SPPL2A: variants seen among roughly 807,000 people sequenced by gnomAD.
The protein encoded by SPPL2A is signal peptide peptidase-like 2A.
Under a neutral mutation model 63.8 loss-of-function variants are expected in SPPL2A, and 51 were observed. The ratio of observed to expected loss-of-function variants is 0.80; its 90% CI spans 0.64 to 1.01. The LOEUF is 1.01. Among genes scored for constraint, SPPL2A ranks in the 50% least tolerant of loss-of-function variants. The pLI, the probability that SPPL2A is intolerant of heterozygous loss-of-function variation, is 0.00. For missense variants in SPPL2A, 553 were observed against 622.7 expected (o/e 0.89, Z 1.19); for synonymous variants, 188 against 205.8 (o/e 0.91, Z 0.74).
chr15:50,718,363 CAT>C (rs897867144), intron 14 of SPPL2A, among the ~76,000 whole-genome samples: 1 of 152,030 alleles, frequency 6.6e-6, no homozygotes, highest in African/African-American at 2.4e-5. Context: ...AGTATCCTCT[CAT>C]AGAATCACTC....
intron 1 of SPPL2A, among the ~76,000 whole-genome samples, chr15:50,763,631 G>GC (rs1481788321): frequency 2.4e-4 from 37 of 152,306 alleles, no homozygotes; most frequent in Admixed American, 5.2e-4. Flanking sequence ...GGGCATGGTG[G>GC]CTCACGCCTG....
chr15:50,763,462 T>C (rs2063029590), intron 1 of SPPL2A, among the ~76,000 whole-genome samples: 1 of 152,316 alleles, frequency 6.6e-6, no homozygotes, highest in East Asian at 1.9e-4. Context: ...ATCAGGACAT[T>C]ACATCCCATA....
chr15:50,719,986 C>T lies in SPPL2A; in HGVS notation c.1442G>A (p.Trp481Ter). 1 of 1,613,736 alleles carries T rather than the reference C, an allele frequency of 6.2e-7. No individual in the cohort carries two copies. Among genetic ancestry groups the T allele is most frequent in the Non-Finnish European group, 8.5e-7 (1 of 1,179,826 alleles). Residue 481 changes from tryptophan (W) to a stop codon, truncating the protein, a stop_gained, in exon 14 of 15, where the codon TGG becomes TAG. Coordinates refer to ENST00000261854, the MANE Select transcript of SPPL2A (RefSeq NM_032802.4). LOFTEE classifies it high-confidence loss of function. ...CTLITASVVA[W>*]RRKEMKKFWK... ...GAACTTTTTCATTTCCTTACGTCTCCAGGCAACAACTGAGGCAGTAATAAG... is the reference window on the plus strand; with the variant it reads ...GAACTTTTTCATTTCCTTACGTCTCTAGGCAACAACTGAGGCAGTAATAAG...
chr15:50,745,647 A>G (rs2062851986), intron 5 of SPPL2A, among the ~76,000 whole-genome samples: 1 of 151,376 alleles, frequency 6.6e-6, no homozygotes, highest in African/African-American at 2.4e-5. Flanking sequence ...TCCTGGGTTC[A>G]AGCAATCCTC....
At chr15:50,722,375 C>G (rs558175930) in intron 12 of SPPL2A, among the ~76,000 whole-genome samples, 174 bp from the exon 13 acceptor site, 1 of 152,336 alleles carries the variant, frequency 6.6e-6, no homozygotes, top group Admixed American at 6.5e-5. Context: ...ATACTTAATA[C>G]CATAGTTTAA....
intron 8 of SPPL2A, among the ~76,000 whole-genome samples, chr15:50,733,738 G>T (rs2062748415): frequency 6.6e-6 from 1 of 151,756 alleles, no homozygotes; most frequent in Admixed American, 6.6e-5. Flanking sequence ...CCCACAGAAT[G>T]AAAGAAAATA....
At chr15:50,748,072 A>G in intron 4 of SPPL2A, 41 bp downstream of exon 4, 2 of 766,586 alleles carry the variant, frequency 2.6e-6, no homozygotes, top group Non-Finnish European at 4.0e-6. Flanking sequence ...AAAGAGATAC[A>G]GTATTTATAA....
At chr15:50,725,344 AC>A in intron 11 of SPPL2A, 21 bp from the exon 12 acceptor site, 1 of 1,237,838 alleles carries the variant, frequency 8.1e-7, no homozygotes. Flanking sequence ...ACAAAACAAA[AC>A]AAAACAAAAC....
chr15:50,748,797 T>C lies in SPPL2A; in HGVS notation c.251A>G (p.Lys84Arg). Reference protein sequence around the residue: ...NLSDIPPVGIKSKAVVVPWGS... With the variant: ...NLSDIPPVGIRSKAVVVPWGS... Reference sequence around the variant, plus strand: ...CCATGGAACCACAACTGCTTTGCTCTTTATGCCAACAGGAGGAATATCAGA... The same window carrying C: ...CCATGGAACCACAACTGCTTTGCTCCTTATGCCAACAGGAGGAATATCAGA... Residue 84 changes from lysine (K) to arginine (R), a missense_variant, in exon 3 of 15, where the codon AAG becomes AGG. Coordinates refer to ENST00000261854, the MANE Select transcript of SPPL2A (RefSeq NM_032802.4). The C allele has an allele frequency of 6.2e-7, 1 of 1,612,286 alleles. No individual in the cohort carries two copies. The highest frequency in any genetic ancestry group is 8.5e-7 in the Non-Finnish European group (1 of 1,179,276).
At chr15:50,737,079 A>T (rs1045515903) in intron 6 of SPPL2A, among the ~76,000 whole-genome samples, 1 of 152,102 alleles carries the variant, frequency 6.6e-6, no homozygotes, top group Non-Finnish European at 1.5e-5. Flanking sequence ...ATACCCAGCC[A>T]ATTTTTGTAG....
chr15:50,725,340 CAA>C lies in SPPL2A; in HGVS notation c.1147-19_1147-18del. 1.6e-6 allele frequency: 2 copies of C among 1,214,860 alleles called. No homozygotes were observed. The highest frequency in any genetic ancestry group is 2.4e-6 in the Non-Finnish European group (2 of 846,238). The allele number at this position is 1,214,860 out of a possible 1,614,324, so 75.3% of individuals were successfully genotyped here. A position where few individuals can be genotyped will look rare whatever the true frequency, so the allele number is the denominator to read the frequency against. The stretch of plus-strand genomic sequence containing the variant: ...TACTGGCAACTGTTCAAAAACAAAA[CAA>C]AACAAAACAAAACAAAACAAAAAAC... On this transcript the variant is annotated intron_variant, in intron 11 of 14. Coordinates refer to ENST00000261854, the MANE Select transcript of SPPL2A (RefSeq NM_032802.4).
intron 14 of SPPL2A, among the ~76,000 whole-genome samples, chr15:50,715,459 T>C (rs533900307): frequency 1.3e-5 from 2 of 152,334 alleles, no homozygotes; most frequent in East Asian, 3.9e-4. Context: ...AAAAATGTGC[T>C]GTAGAATATT....
At chr15:50,709,189 TA>T (rs1469212816) in intron 14 of SPPL2A, among the ~76,000 whole-genome samples, 1 of 152,106 alleles carries the variant, frequency 6.6e-6, no homozygotes. Flanking sequence ...ATACAATTAC[TA>T]AAAATAGAAA....
In SPPL2A at chr15:50,721,045, C is replaced by T. The variant is rs529041228; in HGVS notation, c.1328-945G>A. On this transcript the variant is annotated intron_variant, in intron 13 of 14. Transcript: ENST00000261854. ...GAGTACCATACTTAGTGGCCTCAAA[C>T]TGCTTTTTTTGAGATGGAGCCTCGC... Among the ~76,000 whole-genome samples, 57 of 151,924 alleles carry T rather than the reference C, an allele frequency of 3.8e-4. 1 individual carries two copies. In the South Asian group the frequency reaches 0.012, roughly 31 times the overall value.
chr15:50,716,483 C>T (rs974371199), intron 14 of SPPL2A, among the ~76,000 whole-genome samples: 2 of 152,286 alleles, frequency 1.3e-5, no homozygotes, highest in South Asian at 4.1e-4. Flanking sequence ...GCGTGAGCCA[C>T]TGCACCTAGC....
intron 1 of SPPL2A, among the ~76,000 whole-genome samples, chr15:50,755,369 C>G (rs1226654788): frequency 6.6e-6 from 1 of 151,374 alleles, no homozygotes; most frequent in African/African-American, 2.4e-5. Context: ...GCCTGCAATC[C>G]CAGCGCTTTG....
intron 14 of SPPL2A, among the ~76,000 whole-genome samples, 198 bp from the exon 15 acceptor site, chr15:50,708,072 C>G (rs2062525772): frequency 6.6e-6 from 1 of 152,202 alleles, no homozygotes; most frequent in Non-Finnish European, 1.5e-5. Context: ...CTCAGGAAGC[C>G]TAATCACATG....
intron 5 of SPPL2A, among the ~76,000 whole-genome samples, chr15:50,743,880 A>G (rs961774765): frequency 6.6e-6 from 1 of 152,132 alleles, no homozygotes; most frequent in Non-Finnish European, 1.5e-5. Context: ...TATGCTTTAT[A>G]AAGATTAATA....
At position 50,742,294 on chromosome 15, in the gene SPPL2A, G is replaced by T. The variant is rs138187027; in HGVS notation, c.585-2466C>A. Among the ~76,000 whole-genome samples the T allele has an allele frequency of 5.9e-3, 900 of 152,080 alleles. 15 individuals carry two copies. Among genetic ancestry groups the T allele is most frequent in the African/African-American group, 0.021 (866 of 41,472 alleles). ...GCATGGTGGTGCATGGGAGGCTGAG[G>T]CAGGAGAATTGCTTGAACCCAGGAG... On this transcript the variant is annotated intron_variant, in intron 5 of 14. Coordinates refer to ENST00000261854, the MANE Select transcript of SPPL2A (RefSeq NM_032802.4).
Sources: allele counts gnomAD v4.1 joint callset (sites outside exome capture counted in the v4.1 genomes callset), GRCh38; gene constraint gnomAD v4.1.1; transcripts MANE v1.5; gene names NCBI Gene and HGNC (gene_info 2026-07-23, HGNC 2026-07-21).